Variants in NAA50 observed in about 807,000 individuals in gnomAD.
NAA50 encodes the protein N-alpha-acetyltransferase 50, NatE catalytic subunit, also known as N-alpha-acetyltransferase 50.
Under a neutral mutation model 20.7 loss-of-function variants are expected in NAA50, and 7 were observed. The observed-to-expected ratio is 0.34, with a 90% CI of 0.19 to 0.63. The LOEUF is 0.63. NAA50 is among the 30% of genes least tolerant of loss of function. The pLI is 0.75. For synonymous variants in NAA50, 54 were observed against 70.6 expected (o/e 0.77, Z 1.18); for missense variants, 111 against 199.1 (o/e 0.56, Z 2.66).
rs764863898 is a variant in NAA50, at chr3:113,724,121, T to C, written c.9-26A>G. 6.6e-6 allele frequency: 10 copies of C among 1,523,086 alleles called. No homozygotes were observed. In the Admixed American group the frequency reaches 2.0e-4, roughly 30 times the overall value. 94.3% of individuals were successfully genotyped at this position (1,523,086 alleles called of 1,614,324 possible). On this transcript the variant is annotated intron_variant, in intron 1 of 4. Transcript: ENST00000240922. ...CTGGAACAAATCAAAATGTACTCAA[T>C]AAAACATAATTAGCCCCATTTGTTA...
intron 1 of NAA50, among the ~76,000 whole-genome samples, chr3:113,740,071 AT>A (rs1002602041): frequency 2.6e-5 from 4 of 152,200 alleles, no homozygotes; most frequent in African/African-American, 9.6e-5. Flanking sequence ...TCATTTAAAC[AT>A]GTAGTCAAAA....
chr3:113,732,748 GATA>G (rs1347302061), intron 1 of NAA50, among the ~76,000 whole-genome samples: 2 of 152,226 alleles, frequency 1.3e-5, no homozygotes, highest in Non-Finnish European at 2.9e-5. Context: ...GTTCCAGATA[GATA>G]ATAATTTTTG....
chr3:113,745,926 G>A lies in NAA50; in HGVS notation c.8+16C>T, dbSNP rs777273267. On this transcript the variant is annotated intron_variant, in intron 1 of 4. Transcript: ENST00000240922. ...CTACCCCACCGGCCGGGCCCTGCCC[G>A]GCTGCCCTTCCTCACCCTTTCATCT... The A allele has an allele frequency of 1.2e-5, 19 of 1,603,488 alleles. No individual in the cohort carries two copies. The highest frequency in any genetic ancestry group is 1.5e-5 in the Non-Finnish European group (18 of 1,178,710).
intron 1 of NAA50, among the ~76,000 whole-genome samples, chr3:113,738,216 T>C (rs1180344238): frequency 6.6e-6 from 1 of 152,154 alleles, no homozygotes; most frequent in Non-Finnish European, 1.5e-5. Context: ...CTGTGGAAAA[T>C]TGTTTCCACT....
rs1159183328 is a variant in NAA50 at position 113,746,236 on chromosome 3, C to T, written c.-287G>A. ...CTGCCGCCAGCCAGACCCGCTGCCGCGCTGTGACCTTTCACCCCGCCCCTC... is the reference window on the plus strand; with the variant it reads ...CTGCCGCCAGCCAGACCCGCTGCCGTGCTGTGACCTTTCACCCCGCCCCTC... On this transcript the variant is annotated 5_prime_UTR_variant, in exon 1 of 5. Coordinates refer to ENST00000240922, the MANE Select transcript of NAA50 (RefSeq NM_025146.4). The T allele has an allele frequency of 7.1e-6, 3 of 423,824 alleles. No individual in the cohort carries two copies. The highest frequency in any genetic ancestry group is 1.3e-5 in the Non-Finnish European group (3 of 237,544). 26.3% of individuals were successfully genotyped at this position (423,824 alleles called of 1,614,324 possible). A position where few individuals can be genotyped will look rare whatever the true frequency, so the allele number is the denominator to read the frequency against.
chr3:113,745,790 C>G lies in NAA50; in HGVS notation c.8+152G>C, dbSNP rs1011082850. On this transcript the variant is annotated intron_variant, in intron 1 of 4. Coordinates refer to ENST00000240922, the MANE Select transcript of NAA50 (RefSeq NM_025146.4). Reference sequence around the variant, plus strand: ...AACAGCCCGAGCCTCGCCTCCGCCCCCTCCGGGAGCCGAGGGAACTGAGAA... The same window carrying G: ...AACAGCCCGAGCCTCGCCTCCGCCCGCTCCGGGAGCCGAGGGAACTGAGAA... 30 of 950,590 alleles carry G rather than the reference C, an allele frequency of 3.2e-5. No individual in the cohort carries two copies. The African/African-American group carries it at 3.4e-4, about 11-fold the overall frequency. 58.9% of individuals were successfully genotyped at this position (950,590 alleles called of 1,614,324 possible). A position where few individuals can be genotyped will look rare whatever the true frequency, so the allele number is the denominator to read the frequency against.
In NAA50 at chr3:113,724,108, A is replaced by G. The variant is rs1221759907; in HGVS notation, c.9-13T>C. 1 of 1,553,128 alleles carries G rather than the reference A, an allele frequency of 6.4e-7. No individual in the cohort carries two copies. The highest frequency in any genetic ancestry group is 1.9e-5 in the Admixed American group (1 of 53,834). On this transcript the variant is annotated splice_polypyrimidine_tract_variant and intron_variant, in intron 1 of 4. Coordinates refer to ENST00000240922, the MANE Select transcript of NAA50 (RefSeq NM_025146.4). ...CTCGATCCGGCTACTGGAACAAATC[A>G]AAATGTACTCAATAAAACATAATTA...
At chr3:113,728,207 T>C (rs1232099205) in intron 1 of NAA50, among the ~76,000 whole-genome samples, 1 of 152,158 alleles carries the variant, frequency 6.6e-6, no homozygotes, top group Non-Finnish European at 1.5e-5. Context: ...AAAGTCCAAA[T>C]TCTCTATTAA....
chr3:113,721,639 A>T lies in NAA50; in HGVS notation c.*121T>A. 3.0e-6 allele frequency: 3 copies of T among 1,013,340 alleles called. No homozygotes were observed. The South Asian group carries it at 4.3e-5, about 15-fold the overall frequency. 62.8% of individuals were successfully genotyped at this position (1,013,340 alleles called of 1,614,324 possible). ...CTCAGAGAAAAGGAAAGGAAGAAAG[A>T]AAAACAAGAACAAGGAGGGAGAAAA... On this transcript the variant is annotated 3_prime_UTR_variant, in exon 5 of 5. Coordinates refer to ENST00000240922, the MANE Select transcript of NAA50 (RefSeq NM_025146.4).
chr3:113,730,227 A>G (rs1203902027), intron 1 of NAA50, among the ~76,000 whole-genome samples: 1 of 151,398 alleles, frequency 6.6e-6, no homozygotes, highest in Non-Finnish European at 1.5e-5. Flanking sequence ...CTTGAACCCA[A>G]GGGCAGAGGT....
At position 113,743,620 on chromosome 3, in the gene NAA50, T is replaced by A. The variant is rs891521672; in HGVS notation, c.8+2322A>T. Among the ~76,000 whole-genome samples the A allele has an allele frequency of 3.3e-5, 5 of 152,236 alleles. No individual in the cohort carries two copies. In the South Asian group the frequency reaches 8.3e-4, roughly 25 times the overall value. Reference sequence around the variant, plus strand: ...AAGCAAAAAAAATTAAAAAGTTTCATCTCATCTGGGAGTTAGTTCATTTGT... The same window carrying A: ...AAGCAAAAAAAATTAAAAAGTTTCAACTCATCTGGGAGTTAGTTCATTTGT... On this transcript the variant is annotated intron_variant, in intron 1 of 4. Transcript: ENST00000240922.
At position 113,720,881 on chromosome 3, in the gene NAA50, T is replaced by A. The variant is rs1234825708; in HGVS notation, c.*879A>T. The A allele has an allele frequency of 6.6e-6, 1 of 152,438 alleles. No homozygotes were observed. The highest frequency in any genetic ancestry group is 2.4e-5 in the African/African-American group (1 of 41,408). The allele number at this position is 152,438 out of a possible 1,614,324, so 9.4% of individuals were successfully genotyped here. On this transcript the variant is annotated 3_prime_UTR_variant, in exon 5 of 5. Coordinates refer to ENST00000240922, the MANE Select transcript of NAA50 (RefSeq NM_025146.4). ...TTAGGGGTAGTGACCTATAAGGACATCAACTCAATTTTTAAGGTTAGACTA... is the reference window on the plus strand; with the variant it reads ...TTAGGGGTAGTGACCTATAAGGACAACAACTCAATTTTTAAGGTTAGACTA...
chr3:113,725,176 G>T (rs1372480054), intron 1 of NAA50, among the ~76,000 whole-genome samples: 2 of 152,190 alleles, frequency 1.3e-5, no homozygotes, highest in African/African-American at 4.8e-5. Flanking sequence ...TGTAAACAAA[G>T]AATTTTTAAT....
At chr3:113,733,853 C>CAAAAAAAAAAAAAAAAAAAAAAAAA (rs58431115) in intron 1 of NAA50, among the ~76,000 whole-genome samples, 1 of 68,506 alleles carries the variant, frequency 1.5e-5, no homozygotes, top group African/African-American at 6.1e-5. Context: ...ACTCTGTCTC[C>CAAAAAAAAAAAAAAAAAAAAAAAAA]AAAAAAAAAA....
intron 1 of NAA50, among the ~76,000 whole-genome samples, chr3:113,734,200 C>T (rs1204881500): frequency 6.6e-6 from 1 of 152,090 alleles, no homozygotes; most frequent in East Asian, 1.9e-4. Context: ...ATTAAAGTAA[C>T]AGAACACTCA....
rs1363558844 is a variant in NAA50 at position 113,721,645 on chromosome 3, A to C, written c.*115T>G. ...GAAAAGGAAAGGAAGAAAGAAAAAC[A>C]AGAACAAGGAGGGAGAAAAGCTTTA... On this transcript the variant is annotated 3_prime_UTR_variant, in exon 5 of 5. Transcript: ENST00000240922. 22 of 1,067,926 alleles carry C rather than the reference A, an allele frequency of 2.1e-5. No homozygotes were observed. Among genetic ancestry groups the C allele is most frequent in the Non-Finnish European group, 2.9e-5 (21 of 722,650 alleles). 66.2% of individuals were successfully genotyped at this position (1,067,926 alleles called of 1,614,324 possible).
At position 113,717,401 on chromosome 3, in the gene NAA50, T is replaced by A. The variant is rs540013581; in HGVS notation, c.*4359A>T. On this transcript the variant is annotated 3_prime_UTR_variant, in exon 5 of 5. Transcript: ENST00000240922. ...TTAAATTTTGGAGAACTGAAAAGGT[T>A]GAGAATTTCTGCCCCAGTAACAGAT... 1 of 152,320 alleles carries A rather than the reference T, an allele frequency of 6.6e-6. No individual in the cohort carries two copies. Among genetic ancestry groups the A allele is most frequent in the South Asian group, 2.1e-4 (1 of 4,832 alleles). 9.4% of individuals were successfully genotyped at this position (152,320 alleles called of 1,614,324 possible).
chr3:113,739,058 A>C (rs926349716), intron 1 of NAA50, among the ~76,000 whole-genome samples: 1 of 152,210 alleles, frequency 6.6e-6, no homozygotes, highest in Admixed American at 6.5e-5. Flanking sequence ...TATATGTCCA[A>C]ACTTCACTAA....
chr3:113,734,710 TG>T (rs1391040254), intron 1 of NAA50, among the ~76,000 whole-genome samples: 1 of 152,206 alleles, frequency 6.6e-6, no homozygotes, highest in African/African-American at 2.4e-5. Flanking sequence ...AGAAATTGAA[TG>T]AGAGCTGAAT....
Sources: allele counts gnomAD v4.1 joint callset (sites outside exome capture counted in the v4.1 genomes callset), GRCh38; gene constraint gnomAD v4.1.1; transcripts MANE v1.5; gene names NCBI Gene and HGNC (gene_info 2026-07-23, HGNC 2026-07-21).